The following FXYD2 variants were observed in gnomAD, a reference collection of about 807,000 sequenced individuals.
FXYD2 encodes the protein sodium/potassium-transporting ATPase subunit gamma.
FXYD2 carries 8 observed loss-of-function variants against 11.8 expected under a neutral mutation model. The observed-to-expected ratio is 0.68, with a 90% CI of 0.40 to 1.22. The LOEUF (loss-of-function observed/expected upper bound fraction) is 1.22. Ranked by LOEUF, FXYD2 falls within the 50% of genes most tolerant of loss-of-function variation. The pLI, the probability that FXYD2 is intolerant of heterozygous loss-of-function variation, is 0.01. For missense variants in FXYD2, 92 were observed against 91.8 expected, an observed-to-expected ratio of 1.00 and a Z score of -0.01; for synonymous variants, 42 against 33.3, an observed-to-expected ratio of 1.26 and a Z score of -0.90.
chr11:117,820,563 C>A, intron 5 of FXYD2, 103 bp downstream of exon 5: 1 of 1,466,170 alleles, frequency 6.8e-7, no homozygotes, highest in South Asian at 1.2e-5. Context: ...GTGTGGACGA[C>A]CCTAAAATTC....
At position 117,820,558 on chromosome 11, in the gene FXYD2, G is replaced by C. The variant is rs536273709; in HGVS notation, c.*6+108C>G. ...TGACAGACCACCTGGCTGATGTGTGGACGACCCTAAAATTCTTATTTACCG... is the reference window on the plus strand; with the variant it reads ...TGACAGACCACCTGGCTGATGTGTGCACGACCCTAAAATTCTTATTTACCG... On this transcript the variant is annotated intron_variant, in intron 5 of 5. Transcript: ENST00000292079. The C allele has an allele frequency of 4.8e-4, 685 of 1,423,980 alleles. 1 individual carries two copies. The highest frequency in any genetic ancestry group is 5.7e-4 in the Non-Finnish European group (578 of 1,019,598). 88.2% of individuals were successfully genotyped at this position (1,423,980 alleles called of 1,614,324 possible). A position where few individuals can be genotyped will look rare whatever the true frequency, so the allele number is the denominator to read the frequency against.
chr11:117,822,077 A>C lies in FXYD2; in HGVS notation c.139+329T>G. ...GAGGCAGGTGGGATCATCCCTATTT[A>C]ACAAATGAGTTTGGGACCATGGTTA... On this transcript the variant is annotated intron_variant, in intron 3 of 5. Transcript: ENST00000292079. The surrounding 1 kb of genome is among the most constrained non-coding windows in gnomAD (Gnocchi z 4.7). 1 of 1,283,420 alleles carries C rather than the reference A, an allele frequency of 7.8e-7. No individual in the cohort carries two copies. Among genetic ancestry groups the C allele is most frequent in the East Asian group, 3.9e-5 (1 of 25,972 alleles). The allele number at this position is 1,283,420 out of a possible 1,614,324, so 79.5% of individuals were successfully genotyped here.
Position 117,822,605 on chromosome 11 carries a change from G to A in FXYD2, c.64+74C>T, listed in dbSNP as rs1344317647. ...ATAAGGGGCACAGAGCATGGACCTG[G>A]GGCTGGGAGAGGCCGCTGCTTGGTG... On this transcript the variant is annotated intron_variant, in intron 2 of 5. Transcript: ENST00000292079. This position sits in a 1 kb window ranked among gnomAD's most constrained non-coding sequence, Gnocchi z 4.7. 6.3e-7 allele frequency: 1 copy of A among 1,582,344 alleles called. No individual in the cohort carries two copies. Among genetic ancestry groups the A allele is most frequent in the Non-Finnish European group, 8.6e-7 (1 of 1,165,012 alleles).
At chr11:117,826,747 T>A (rs952903026), upstream of FXYD2, among the ~76,000 whole-genome samples, 1 of 152,128 alleles carries the variant, frequency 6.6e-6, no homozygotes, top group Admixed American at 6.5e-5. Flanking sequence ...GGAAGTTAAA[T>A]AAATTCATCT....
rs1196279693 is a variant in FXYD2, at chr11:117,824,682, C to T, written c.-4G>A. ...CGTCCATCGACAACCCAGTCATTTCCCCAGGTGAATGGGCTGCCTCCACTC... is the reference window on the plus strand; with the variant it reads ...CGTCCATCGACAACCCAGTCATTTCTCCAGGTGAATGGGCTGCCTCCACTC... On this transcript the variant is annotated 5_prime_UTR_variant, in exon 1 of 6. Transcript: ENST00000292079. The surrounding 1 kb of genome is among the most constrained non-coding windows in gnomAD (Gnocchi z 4.0). 1.9e-6 allele frequency: 3 copies of T among 1,614,000 alleles called. No homozygotes were observed. Among genetic ancestry groups the T allele is most frequent in the Non-Finnish European group, 2.5e-6 (3 of 1,179,984 alleles).
upstream of FXYD2, among the ~76,000 whole-genome samples, chr11:117,827,612 C>T (rs939936355): frequency 6.6e-6 from 1 of 152,206 alleles, no homozygotes; most frequent in Non-Finnish European, 1.5e-5. Flanking sequence ...ATTATCACCC[C>T]ATTTCATAGA....
rs749032169 is a variant in FXYD2 at position 117,822,646 on chromosome 11, G to A, written c.64+33C>T. The A allele has an allele frequency of 2.5e-6, 4 of 1,604,892 alleles. No homozygotes were observed. The highest frequency in any genetic ancestry group is 1.7e-4 in the Middle Eastern group (1 of 6,030). On this transcript the variant is annotated intron_variant, in intron 2 of 5. Coordinates refer to ENST00000292079, the MANE Select transcript of FXYD2 (RefSeq NM_001680.5). The surrounding 1 kb of genome is among the most constrained non-coding windows in gnomAD (Gnocchi z 4.7). ...CTGCTTGGTGGAAGGGGTCCTGAGG[G>A]CTCAGGAAGGGTGCGCAGGGGCCCA...
In FXYD2 at chr11:117,823,174, T is replaced by C. The variant is rs538269002; in HGVS notation, c.26-457A>G. 3.3e-5 allele frequency among the ~76,000 whole-genome samples: 5 copies of C among 152,282 alleles called. No individual in the cohort carries two copies. In the South Asian group the frequency reaches 6.2e-4, roughly 19 times the overall value. The stretch of plus-strand genomic sequence containing the variant: ...GACAGAAGGAGGAAGCCGAGCCCAA[T>C]GTGTAGACTTGTTCAAAGTCCTAAT... On this transcript the variant is annotated intron_variant, in intron 1 of 5. Coordinates refer to ENST00000292079, the MANE Select transcript of FXYD2 (RefSeq NM_001680.5).
chr11:117,820,883 C>A lies in FXYD2; in HGVS notation c.152G>T (p.Arg51Leu). The A allele has an allele frequency of 6.2e-7, 1 of 1,613,754 alleles. No individual in the cohort carries two copies. The highest frequency in any genetic ancestry group is 8.5e-7 in the Non-Finnish European group (1 of 1,179,968). ...CCTGCGCTTCTTATTGCCCCCACAGCGGAATCTTCTGCCTTGAAAAGAGAA... is the reference window on the plus strand; with the variant it reads ...CCTGCGCTTCTTATTGCCCCCACAGAGGAATCTTCTGCCTTGAAAAGAGAA... ...GLLILLSRRF[R>L]CGGNKKRRQI... Residue 51 changes from arginine (R) to leucine (L), a missense_variant, in exon 4 of 6, where the codon CGC (arginine) becomes CTC (leucine). Coordinates refer to ENST00000292079, the MANE Select transcript of FXYD2 (RefSeq NM_001680.5).
intron 5 of FXYD2, 76 bp downstream of exon 5, chr11:117,820,590 G>A (rs912669306): frequency 1.3e-6 from 2 of 1,583,906 alleles, no homozygotes. Flanking sequence ...ACCGAGTCCA[G>A]GAGCCAGAAT....
Position 117,822,052 on chromosome 11 carries a change from G to A in FXYD2, c.139+354C>T. On this transcript the variant is annotated intron_variant, in intron 3 of 5. Transcript: ENST00000292079. The surrounding 1 kb of genome is among the most constrained non-coding windows in gnomAD (Gnocchi z 4.7). ...CTTTGGATGCTAGCCCTAATCTTGTGAGGCAGGTGGGATCATCCCTATTTA... is the reference window on the plus strand; with the variant it reads ...CTTTGGATGCTAGCCCTAATCTTGTAAGGCAGGTGGGATCATCCCTATTTA... 1 of 1,232,484 alleles carries A rather than the reference G, an allele frequency of 8.1e-7. No homozygotes were observed. The highest frequency in any genetic ancestry group is 1.0e-6 in the Non-Finnish European group (1 of 972,266). 76.3% of individuals were successfully genotyped at this position (1,232,484 alleles called of 1,614,324 possible). A position where few individuals can be genotyped will look rare whatever the true frequency, so the allele number is the denominator to read the frequency against.
chr11:117,824,865 G>A (rs1249036786), upstream of FXYD2: 2 of 738,716 alleles, frequency 2.7e-6, no homozygotes, highest in Non-Finnish European at 4.7e-6. The surrounding 1 kb of genome is among the most constrained non-coding windows in gnomAD (Gnocchi z 4.0). Flanking sequence ...CTTCTGCAGG[G>A]TGAGGACGTG....
rs781108382 is a variant in FXYD2 at position 117,824,726 on chromosome 11, T to C, written c.-48A>G. ...TCCACTCCCCTCTTCCTGCTGTCTC[T>C]GCTTTTTGGAGAGTGTCTGGCTGCC... is the stretch of plus-strand genomic sequence containing the variant. On this transcript the variant is annotated 5_prime_UTR_variant, in exon 1 of 6. Coordinates refer to ENST00000292079, the MANE Select transcript of FXYD2 (RefSeq NM_001680.5). The surrounding 1 kb of genome is among the most constrained non-coding windows in gnomAD (Gnocchi z 4.0). 3.7e-6 allele frequency: 6 copies of C among 1,611,298 alleles called. No individual in the cohort carries two copies. Among genetic ancestry groups the C allele is most frequent in the Non-Finnish European group, 5.1e-6 (6 of 1,178,840 alleles).
chr11:117,820,501 G>T, intron 5 of FXYD2, 129 bp from the exon 6 acceptor site: 1 of 804,278 alleles, frequency 1.2e-6, no homozygotes, highest in Non-Finnish European at 2.0e-6. Flanking sequence ...TCCACGCCAG[G>T]CCCTTGGCCA....
chr11:117,825,586 A>G (rs145994475), upstream of FXYD2, among the ~76,000 whole-genome samples: 1,368 of 152,278 alleles, frequency 9.0e-3, 14 homozygotes, highest in African/African-American at 0.031. Context: ...TCTAAGGCAC[A>G]GAGAGGTAGG....
chr11:117,820,973 T>C, intron 3 of FXYD2, 78 bp from the exon 4 acceptor site: 1 of 1,600,454 alleles, frequency 6.2e-7, no homozygotes, highest in South Asian at 1.1e-5. Context: ...ATTCTTCCAG[T>C]CTCTCCTACC....
rs1451690222 is a variant in FXYD2, at chr11:117,822,917, G to A, written c.26-200C>T. ...GCGGCTTCAGACACGCTCAACTGGG[G>A]ACCAAATACCGAGTGTCCGAGGGGG... On this transcript the variant is annotated intron_variant, in intron 1 of 5. Coordinates refer to ENST00000292079, the MANE Select transcript of FXYD2 (RefSeq NM_001680.5). The surrounding 1 kb of genome is among the most constrained non-coding windows in gnomAD (Gnocchi z 4.7). Among the ~76,000 whole-genome samples, 1 of 152,134 alleles carries A rather than the reference G, an allele frequency of 6.6e-6. No homozygotes were observed. Among genetic ancestry groups the A allele is most frequent in the African/African-American group, 2.4e-5 (1 of 41,416 alleles).
intron 1 of FXYD2, among the ~76,000 whole-genome samples, chr11:117,823,826 C>A (rs2055972218): frequency 6.6e-6 from 1 of 152,186 alleles, no homozygotes; most frequent in Non-Finnish European, 1.5e-5. Context: ...CTGTCAAGCC[C>A]AGCTGTCCCC....
At chr11:117,821,598 G>A in intron 3 of FXYD2, 1 of 986,096 alleles carries the variant, frequency 1.0e-6, no homozygotes, top group Non-Finnish European at 1.2e-6. Flanking sequence ...GTGCCTATGT[G>A]ATCAGCTGCC....
Sources: gnomAD v4.1 joint callset for allele counts (sites outside exome capture counted in the v4.1 genomes callset) on GRCh38, gnomAD v4.1.1 for gene constraint, Gnocchi (gnomAD v3.1) non-coding constraint, MANE v1.5 for transcripts, NCBI Gene and HGNC (gene_info 2026-07-23, HGNC 2026-07-21) for gene names.